The following CRPPA variants were observed in gnomAD, a reference collection of about 807,000 sequenced individuals.
CRPPA encodes the protein CDP-L-ribitol pyrophosphorylase A.
In CRPPA, 43 loss-of-function variants were observed where a neutral mutation model predicts 52.0. The ratio of observed to expected loss-of-function variants is 0.83; its 90% CI spans 0.65 to 1.07. The LOEUF (loss-of-function observed/expected upper bound fraction) is 1.07. Ranked by LOEUF, CRPPA falls within the 50% of genes least tolerant of loss-of-function variation. CRPPA has a pLI of 0.00. For missense variants in CRPPA, 629 were observed against 551.7 expected (o/e 1.14, Z -1.40); for synonymous variants, 250 against 203.5 (o/e 1.23, Z -1.94).
At chr7:16,378,613 T>C (rs1786975381) in intron 2 of CRPPA, among the ~76,000 whole-genome samples, 1 of 152,022 alleles carries the variant, frequency 6.6e-6, no homozygotes, top group African/African-American at 2.4e-5. Context: ...TATAGTCCTT[T>C]GGGTATATAC....
chr7:16,384,845 G>A (rs1488318565), intron 2 of CRPPA, among the ~76,000 whole-genome samples: 1 of 152,184 alleles, frequency 6.6e-6, no homozygotes, highest in Non-Finnish European at 1.5e-5. Context: ...AACTGCCTAT[G>A]AGAAGGCCCC....
At chr7:16,222,291 T>A (rs1782531941) in intron 8 of CRPPA, among the ~76,000 whole-genome samples, 2 of 101,748 alleles carry the variant, frequency 2.0e-5, no homozygotes, top group Non-Finnish European at 1.9e-5. Context: ...CTGGGGACTG[T>A]GTTGCGGTGG....
At chr7:16,173,767 A>G (rs901944103) in intron 9 of CRPPA, among the ~76,000 whole-genome samples, 3 of 152,178 alleles carry the variant, frequency 2.0e-5, no homozygotes, top group Non-Finnish European at 2.9e-5. Context: ...AGGCATAAGG[A>G]ACAGAGAATA....
chr7:16,213,855 T>A (rs894108322), intron 9 of CRPPA, among the ~76,000 whole-genome samples: 22 of 152,188 alleles, frequency 1.4e-4, no homozygotes, highest in African/African-American at 3.9e-4. Flanking sequence ...TCCATAGTCA[T>A]GTCTATAGGA....
intron 3 of CRPPA, among the ~76,000 whole-genome samples, chr7:16,347,037 A>G (rs1786030330): frequency 6.6e-6 from 1 of 152,136 alleles, no homozygotes; most frequent in African/African-American, 2.4e-5. Context: ...AGTTTTGAGA[A>G]TATTTGTCCA....
chr7:16,281,298 T>A (rs1784316486), intron 5 of CRPPA, among the ~76,000 whole-genome samples: 1 of 107,632 alleles, frequency 9.3e-6, no homozygotes, highest in South Asian at 2.6e-4. Flanking sequence ...TTATTCTTGT[T>A]TGTTGACACC....
At chr7:16,376,640 G>C (rs1379868055) in intron 2 of CRPPA, among the ~76,000 whole-genome samples, 1 of 152,120 alleles carries the variant, frequency 6.6e-6, no homozygotes, top group African/African-American at 2.4e-5. Flanking sequence ...TTACATATTA[G>C]ATACTTAAGG....
At chr7:16,372,256 T>C (rs1467808168) in intron 3 of CRPPA, among the ~76,000 whole-genome samples, 2 of 152,182 alleles carry the variant, frequency 1.3e-5, no homozygotes, top group Non-Finnish European at 2.9e-5. Context: ...TCAGGCTATC[T>C]AACGTCAAGA....
intron 9 of CRPPA, among the ~76,000 whole-genome samples, chr7:16,131,653 G>A (rs1467107247): frequency 1.3e-5 from 2 of 152,100 alleles, no homozygotes; most frequent in Non-Finnish European, 2.9e-5. Flanking sequence ...CACAATCTTG[G>A]CTCACTGCAG....
intron 9 of CRPPA, among the ~76,000 whole-genome samples, chr7:16,147,557 T>C (rs1467335741): frequency 6.6e-6 from 1 of 152,226 alleles, no homozygotes; most frequent in East Asian, 1.9e-4. Flanking sequence ...AAATAACTTA[T>C]TGAAGAAAAT....
chr7:16,387,071 A>ATATATACATATATATATG, intron 2 of CRPPA, among the ~76,000 whole-genome samples: 1 of 67,470 alleles, frequency 1.5e-5, no homozygotes, highest in Non-Finnish European at 2.7e-5. Flanking sequence ...ATATATATAT[A>ATATATACATATATATATG]TATATATATA....
intron 9 of CRPPA, among the ~76,000 whole-genome samples, chr7:16,188,925 A>G (rs1025255263): frequency 6.6e-6 from 1 of 152,150 alleles, no homozygotes; most frequent in African/African-American, 2.4e-5. Flanking sequence ...CCAAAATATA[A>G]AACAGCCATG....
chr7:16,172,558 C>A (rs1354696415), intron 9 of CRPPA, among the ~76,000 whole-genome samples: 1 of 152,120 alleles, frequency 6.6e-6, no homozygotes, highest in African/African-American at 2.4e-5. Flanking sequence ...TATTGGAGTA[C>A]TGAATAAATG....
intron 4 of CRPPA, among the ~76,000 whole-genome samples, chr7:16,306,009 G>A (rs1784902465): frequency 6.6e-6 from 1 of 152,214 alleles, no homozygotes; most frequent in South Asian, 2.1e-4. Flanking sequence ...AGCTTCTGGT[G>A]ATGGCTGGCA....
intron 8 of CRPPA, among the ~76,000 whole-genome samples, chr7:16,246,962 G>C (rs1783291802): frequency 6.6e-6 from 1 of 152,200 alleles, no homozygotes; most frequent in South Asian, 2.1e-4. Context: ...TTTGAAGCTA[G>C]GCATTGACTT....
rs1465878765 is a variant in CRPPA at position 16,088,433 on chromosome 7, T to G, written c.*3262A>C. On this transcript the variant is annotated 3_prime_UTR_variant, in exon 10 of 10. Coordinates refer to ENST00000407010, the MANE Select transcript of CRPPA (RefSeq NM_001101426.4). ...CTCTCTTTTTTTTTTTTTTTTTTTT[T>G]TTGAGACGGAGTCTTGCTCTGTTGC... 8.0e-6 allele frequency: 1 copy of G among 125,778 alleles called. No individual in the cohort carries two copies. Among genetic ancestry groups the G allele is most frequent in the Non-Finnish European group, 1.8e-5 (1 of 56,114 alleles). The allele number at this position is 125,778 out of a possible 1,614,324, so 7.8% of individuals were successfully genotyped here. A position where few individuals can be genotyped will look rare whatever the true frequency, so the allele number is the denominator to read the frequency against.
chr7:16,207,517 G>A (rs1017377622), intron 9 of CRPPA, among the ~76,000 whole-genome samples: 1 of 152,154 alleles, frequency 6.6e-6, no homozygotes, highest in Non-Finnish European at 1.5e-5. Flanking sequence ...TGGATAATTA[G>A]TGTTGCATAA....
At chr7:16,227,313 C>G (rs970476860) in intron 8 of CRPPA, among the ~76,000 whole-genome samples, 23 of 151,958 alleles carry the variant, frequency 1.5e-4, no homozygotes, top group African/African-American at 5.5e-4. Context: ...AATCTCCATA[C>G]TGCTTTCTAT....
In CRPPA at chr7:16,172,445, C is replaced by T. The variant is rs10452774; in HGVS notation, c.1251+43621G>A. ...ATACAGGGAGTCTAGAAGGAAATTTCTTGCTGTAGTTACAGTCCAATCAGC... is the reference window on the plus strand; with the variant it reads ...ATACAGGGAGTCTAGAAGGAAATTTTTTGCTGTAGTTACAGTCCAATCAGC... On this transcript the variant is annotated intron_variant, in intron 9 of 9. Coordinates refer to ENST00000407010, the MANE Select transcript of CRPPA (RefSeq NM_001101426.4). Among the ~76,000 whole-genome samples, 449 of 152,268 alleles carry T rather than the reference C, an allele frequency of 2.9e-3. 2 individuals are homozygous for T. Among genetic ancestry groups the T allele is most frequent in the African/African-American group, 0.011 (437 of 41,548 alleles).
Sources: gnomAD v4.1 joint callset for allele counts (sites outside exome capture counted in the v4.1 genomes callset) on GRCh38, gnomAD v4.1.1 for gene constraint, MANE v1.5 for transcripts, NCBI Gene and HGNC (gene_info 2026-07-23, HGNC 2026-07-21) for gene names.